ZNF804A: variants seen among roughly 807,000 people sequenced by gnomAD.
ZNF804A encodes the protein zinc finger protein 804A.
In ZNF804A, 2 loss-of-function variants were observed where a neutral mutation model predicts 16.5. The ratio of observed to expected loss-of-function variants is 0.12; its 90% CI spans 0.05 to 0.38. ZNF804A has a LOEUF of 0.38. Among genes scored for constraint, ZNF804A ranks in the 10% least tolerant of loss-of-function variants. The pLI is 0.99. For missense variants in ZNF804A, 1,473 were observed against 1,390.7 expected, an observed-to-expected ratio of 1.06 and a Z score of -0.94; for synonymous variants, 534 against 489.6, an observed-to-expected ratio of 1.09 and a Z score of -1.20.
intron 1 of ZNF804A, among the ~76,000 whole-genome samples, chr2:184,697,609 A>C (rs1172016710): frequency 6.6e-6 from 1 of 152,082 alleles, no homozygotes; most frequent in Non-Finnish European, 1.5e-5. Context: ...AGATTGAAAA[A>C]GCATTTATCA....
At chr2:184,922,565 T>C (rs183888953) in intron 2 of ZNF804A, among the ~76,000 whole-genome samples, 31 of 152,208 alleles carry the variant, frequency 2.0e-4, no homozygotes, top group African/African-American at 7.2e-4. Flanking sequence ...TTCAGTTTGT[T>C]AATTGTTTTC....
Position 184,852,259 on chromosome 2 carries a change from C to A in ZNF804A, c.112-14110C>A, listed in dbSNP as rs532487504. ...TCTCTCTCTCTCTCTCTCTCTCTCT[C>A]TCTATCTCTCAGAATATCCGATTGT... On this transcript the variant is annotated intron_variant, in intron 1 of 3. Coordinates refer to ENST00000302277, the MANE Select transcript of ZNF804A (RefSeq NM_194250.2). Among the ~76,000 whole-genome samples the A allele has an allele frequency of 2.5e-4, 38 of 150,378 alleles. 2 individuals are homozygous for A. In the South Asian group the frequency reaches 4.4e-3, roughly 17 times the overall value.
chr2:184,827,436 C>T (rs1465994413), intron 1 of ZNF804A, among the ~76,000 whole-genome samples: 2 of 145,414 alleles, frequency 1.4e-5, no homozygotes, highest in Non-Finnish European at 3.0e-5. Context: ...TTATATAAAA[C>T]ATAATATATA....
At chr2:184,784,842 C>T (rs796723765) in intron 1 of ZNF804A, among the ~76,000 whole-genome samples, 3 of 151,970 alleles carry the variant, frequency 2.0e-5, no homozygotes, top group African/African-American at 4.8e-5. Context: ...AACAACAATG[C>T]CATAAGTCTT....
intron 1 of ZNF804A, among the ~76,000 whole-genome samples, chr2:184,698,439 C>G (rs1692868813): frequency 6.6e-6 from 1 of 152,070 alleles, no homozygotes; most frequent in African/African-American, 2.4e-5. Context: ...TTCTCAGCAG[C>G]TGGAACATAA....
intron 1 of ZNF804A, among the ~76,000 whole-genome samples, chr2:184,623,783 C>G (rs1338231503): frequency 6.6e-6 from 1 of 152,116 alleles, no homozygotes; most frequent in African/African-American, 2.4e-5. Context: ...ACATACACAA[C>G]TTCCCCACAT....
chr2:184,642,793 T>G (rs1322853839), intron 1 of ZNF804A, among the ~76,000 whole-genome samples: 1 of 152,142 alleles, frequency 6.6e-6, no homozygotes. Flanking sequence ...AGCACATTCT[T>G]AAGACCATAT....
chr2:184,894,309 C>T (rs1344201240), intron 2 of ZNF804A, among the ~76,000 whole-genome samples: 4 of 152,208 alleles, frequency 2.6e-5, no homozygotes, highest in African/African-American at 9.6e-5. Context: ...CATATTACTA[C>T]ATATACACCA....
intron 1 of ZNF804A, among the ~76,000 whole-genome samples, chr2:184,611,346 C>G (rs1691235573): frequency 6.6e-6 from 1 of 151,842 alleles, no homozygotes; most frequent in African/African-American, 2.4e-5. Context: ...ACATGTTTAC[C>G]CATACCCCAA....
chr2:184,691,835 A>G (rs939737450), intron 1 of ZNF804A, among the ~76,000 whole-genome samples: 2 of 151,964 alleles, frequency 1.3e-5, no homozygotes, highest in Non-Finnish European at 2.9e-5. Flanking sequence ...CAAAACTGTA[A>G]GTGAGAGCAC....
chr2:184,772,912 A>G (rs1378846365), intron 1 of ZNF804A, among the ~76,000 whole-genome samples: 1 of 149,428 alleles, frequency 6.7e-6, no homozygotes, highest in Admixed American at 6.7e-5. Context: ...ATACACACAC[A>G]CACACACACA....
At position 184,729,418 on chromosome 2, in the gene ZNF804A, C is replaced by T. The variant is rs371943784; in HGVS notation, c.111+130348C>T. On this transcript the variant is annotated intron_variant, in intron 1 of 3. Transcript: ENST00000302277. ...CCATAAAAACATGAGTATATGCCAA[C>T]AGTGAAACCATCTTTAAATATATTG... is the stretch of plus-strand genomic sequence containing the variant. 2.4e-4 allele frequency among the ~76,000 whole-genome samples: 37 copies of T among 151,910 alleles called. 1 individual carries two copies. In the South Asian group the frequency reaches 7.7e-3, roughly 32 times the overall value.
chr2:184,877,172 A>C (rs1684705958), intron 2 of ZNF804A, among the ~76,000 whole-genome samples: 1 of 152,068 alleles, frequency 6.6e-6, no homozygotes, highest in South Asian at 2.1e-4. Context: ...TTATTTTACC[A>C]TTTTATTTTT....
intron 1 of ZNF804A, among the ~76,000 whole-genome samples, chr2:184,799,486 G>A (rs1359209322): frequency 1.3e-5 from 2 of 152,010 alleles, no homozygotes; most frequent in Non-Finnish European, 2.9e-5. Context: ...TGGCATTAGA[G>A]TAACGATGGT....
chr2:184,746,298 T>A (rs1693788805), intron 1 of ZNF804A, among the ~76,000 whole-genome samples: 1 of 151,436 alleles, frequency 6.6e-6, no homozygotes, highest in African/African-American at 2.4e-5. Flanking sequence ...CTAAGTGTAT[T>A]TTTGGACCCA....
intron 1 of ZNF804A, among the ~76,000 whole-genome samples, chr2:184,630,317 A>T (rs945582964): frequency 2.6e-5 from 4 of 152,134 alleles, no homozygotes; most frequent in African/African-American, 9.6e-5. Context: ...GACCTGTCCA[A>T]GGTCATTAGC....
intron 1 of ZNF804A, among the ~76,000 whole-genome samples, chr2:184,663,869 T>C (rs186147656): frequency 2.6e-5 from 4 of 152,304 alleles, no homozygotes; most frequent in Non-Finnish European, 5.9e-5. Flanking sequence ...GTCTCCTTCA[T>C]AGCACAAAGC....
chr2:184,855,901 A>G (rs1256143178), intron 1 of ZNF804A, among the ~76,000 whole-genome samples: 2 of 152,098 alleles, frequency 1.3e-5, no homozygotes, highest in Admixed American at 6.6e-5. Context: ...ACTTCCTTCA[A>G]TCCTCAGAAA....
intron 1 of ZNF804A, among the ~76,000 whole-genome samples, chr2:184,857,801 T>C (rs2105807190): frequency 6.6e-6 from 1 of 152,318 alleles, no homozygotes; most frequent in South Asian, 2.1e-4. Context: ...TTCATTTGCA[T>C]GTACATCTTT....
Sources: allele counts gnomAD v4.1 joint callset (sites outside exome capture counted in the v4.1 genomes callset), GRCh38; gene constraint gnomAD v4.1.1; transcripts MANE v1.5; gene names NCBI Gene and HGNC (gene_info 2026-07-23, HGNC 2026-07-21).